ZNF521: variants seen among roughly 807,000 people sequenced by gnomAD.
The protein encoded by ZNF521 is LYST-interacting protein 3.
ZNF521 carries 14 observed loss-of-function variants against 105.5 expected under a neutral mutation model. The observed-to-expected ratio is 0.13, with a 90% CI of 0.09 to 0.21. The LOEUF is 0.21. ZNF521 is among the 10% of genes least tolerant of loss of function. ZNF521 has a pLI of 1.00. For missense variants in ZNF521, 1,233 were observed against 1,629.7 expected (o/e 0.76, Z 4.19); for synonymous variants, 635 against 606.0 (o/e 1.05, Z -0.70).
At chr18:25,167,232 A>G (rs1262604951) in intron 5 of ZNF521, among the ~76,000 whole-genome samples, 1 of 152,214 alleles carries the variant, frequency 6.6e-6, no homozygotes, top group Admixed American at 6.5e-5. Flanking sequence ...ACAGATTCAC[A>G]TTCACAATTT....
At chr18:25,309,323 C>T (rs560257908) in intron 3 of ZNF521, among the ~76,000 whole-genome samples, 1 of 152,310 alleles carries the variant, frequency 6.6e-6, no homozygotes, top group Non-Finnish European at 1.5e-5. Flanking sequence ...AGATGGTATT[C>T]TTTCTCCCAA....
At chr18:25,250,706 T>C (rs952188507) in intron 3 of ZNF521, among the ~76,000 whole-genome samples, 1 of 152,230 alleles carries the variant, frequency 6.6e-6, no homozygotes, top group South Asian at 2.1e-4. Context: ...CCTGTTGATA[T>C]ATGAATTATA....
Position 25,342,408 on chromosome 18 carries a change from G to GT in ZNF521, c.40+8498dup, listed in dbSNP as rs756445552. On this transcript the variant is annotated intron_variant, in intron 2 of 7. Transcript: ENST00000361524. Reference sequence around the variant, plus strand: ...CAGCCTTTTTCCTTTTCTTTCCTTTGTTTTTTTTTTGTTTGTTTGTTTGTT... The same window carrying GT: ...CAGCCTTTTTCCTTTTCTTTCCTTTGTTTTTTTTTTTGTTTGTTTGTTTGTT... Among the ~76,000 whole-genome samples, 970 of 110,924 alleles carry GT rather than the reference G, an allele frequency of 8.7e-3. 12 individuals are homozygous for GT. Among genetic ancestry groups the GT allele is most frequent in the African/African-American group, 0.025 (815 of 33,258 alleles). 72.8% of individuals were successfully genotyped at this position (110,924 alleles called of 152,430 possible).
intron 6 of ZNF521, 76 bp downstream of exon 6, chr18:25,091,874 G>C (rs1192086268): frequency 6.5e-7 from 1 of 1,548,074 alleles, no homozygotes. Context: ...CATAGCAGTG[G>C]GAAGTAATGC....
chr18:25,218,075 A>G (rs1163268643), intron 4 of ZNF521, among the ~76,000 whole-genome samples: 1 of 152,216 alleles, frequency 6.6e-6, no homozygotes, highest in East Asian at 1.9e-4. Flanking sequence ...GGGCAGGGAA[A>G]AGAAGGGAAA....
intron 5 of ZNF521, among the ~76,000 whole-genome samples, chr18:25,191,959 C>G (rs942527382): frequency 1.3e-5 from 2 of 152,134 alleles, no homozygotes; most frequent in Non-Finnish European, 2.9e-5. Flanking sequence ...ACACTTGTAT[C>G]TTGTTGTATT....
At chr18:25,164,919 G>A (rs902787385) in intron 5 of ZNF521, among the ~76,000 whole-genome samples, 4 of 152,162 alleles carry the variant, frequency 2.6e-5, no homozygotes, top group Admixed American at 2.0e-4. Flanking sequence ...AGAATACAGA[G>A]GAAGGGGTAT....
chr18:25,125,468 A>G (rs572130336), intron 5 of ZNF521, among the ~76,000 whole-genome samples: 1 of 152,174 alleles, frequency 6.6e-6, no homozygotes, highest in African/African-American at 2.4e-5. Flanking sequence ...CTCTCTTCCT[A>G]AAATGAAACA....
chr18:25,147,819 T>C (rs1464767518), intron 5 of ZNF521, among the ~76,000 whole-genome samples: 1 of 152,216 alleles, frequency 6.6e-6, no homozygotes, highest in Non-Finnish European at 1.5e-5. Context: ...GCAGAAAGAA[T>C]TTTTCTATCA....
intron 5 of ZNF521, among the ~76,000 whole-genome samples, chr18:25,161,089 G>A (rs1442587977): frequency 1.3e-5 from 2 of 152,080 alleles, no homozygotes; most frequent in African/African-American, 4.8e-5. Context: ...GATAACTCAT[G>A]GCAATATGCA....
At chr18:25,315,458 G>C (rs1912554129) in intron 3 of ZNF521, 1 of 152,150 alleles carries the variant, frequency 6.6e-6, no homozygotes, top group African/African-American at 2.4e-5. Flanking sequence ...TTCTTTCTTA[G>C]AACAAGGATG....
Position 25,155,245 on chromosome 18 carries a change from G to T in ZNF521, c.3658+39915C>A, listed in dbSNP as rs546201028. ...CAAGTTCTTTACCCATTTTTTAATT[G>T]GGTTGTATGTTTTCTTCCTATTGAG... On this transcript the variant is annotated intron_variant, in intron 5 of 7. Transcript: ENST00000361524. 4.6e-5 allele frequency among the ~76,000 whole-genome samples: 7 copies of T among 152,134 alleles called. No homozygotes were observed. The South Asian group carries it at 1.0e-3, about 23-fold the overall frequency.
intron 5 of ZNF521, among the ~76,000 whole-genome samples, chr18:25,143,095 G>A (rs1373934057): frequency 2.6e-5 from 4 of 152,204 alleles, no homozygotes; most frequent in South Asian, 2.1e-4. Flanking sequence ...CTGATGCTCC[G>A]CAAAACTTTG....
intron 2 of ZNF521, among the ~76,000 whole-genome samples, chr18:25,332,635 T>A (rs756428119): frequency 6.6e-6 from 1 of 152,210 alleles, no homozygotes; most frequent in Non-Finnish European, 1.5e-5. Context: ...TATAAGAGCA[T>A]CATTTGTTTT....
intron 5 of ZNF521, among the ~76,000 whole-genome samples, chr18:25,165,581 C>T (rs2035325442): frequency 6.6e-6 from 1 of 152,116 alleles, no homozygotes; most frequent in Admixed American, 6.6e-5. Context: ...GGCCAAGAGG[C>T]CAAAAAACAT....
At chr18:25,332,979 C>T (rs1245584268) in intron 2 of ZNF521, among the ~76,000 whole-genome samples, 2 of 152,030 alleles carry the variant, frequency 1.3e-5, no homozygotes, top group Admixed American at 1.3e-4. Context: ...TATATTGTCT[C>T]AATCTCGACT....
At position 25,233,150 on chromosome 18, in the gene ZNF521, C is replaced by T. The variant is rs115529013; in HGVS notation, c.221-5453G>A. 6.1e-3 allele frequency among the ~76,000 whole-genome samples: 929 copies of T among 152,114 alleles called. 9 individuals are homozygous for T. The highest frequency in any genetic ancestry group is 0.021 in the African/African-American group (861 of 41,480). ...TGCCAACACAGTAACAATTTTACAC[C>T]ATCATATTTAAAATCTTCTAACCAA... On this transcript the variant is annotated intron_variant, in intron 3 of 7. Coordinates refer to ENST00000361524, the MANE Select transcript of ZNF521 (RefSeq NM_015461.3).
intron 3 of ZNF521, among the ~76,000 whole-genome samples, chr18:25,246,965 T>C (rs571477307): frequency 5.3e-5 from 8 of 152,270 alleles, no homozygotes; most frequent in African/African-American, 1.4e-4. Flanking sequence ...TAATATTCCA[T>C]TGGAACAAAG....
At chr18:25,091,362 C>T (rs1024612489) in intron 6 of ZNF521, among the ~76,000 whole-genome samples, 14 of 151,990 alleles carry the variant, frequency 9.2e-5, no homozygotes, top group African/African-American at 3.4e-4. Flanking sequence ...ATCTGTAATG[C>T]TATCGTATCT....
Sources: gnomAD v4.1 joint callset for allele counts (sites outside exome capture counted in the v4.1 genomes callset) on GRCh38, gnomAD v4.1.1 for gene constraint, MANE v1.5 for transcripts, NCBI Gene and HGNC (gene_info 2026-07-23, HGNC 2026-07-21) for gene names.